Variants in TRPM3 observed in about 807,000 individuals in gnomAD.
The protein encoded by TRPM3 is transient receptor potential cation channel subfamily M member 3, also known as long transient receptor potential channel 3.
Under a neutral mutation model 181.2 loss-of-function variants are expected in TRPM3, and 77 were observed. The observed-to-expected ratio is 0.42, with a 90% CI of 0.35 to 0.51. The LOEUF is 0.51. Among genes scored for constraint, TRPM3 ranks in the 20% least tolerant of loss-of-function variants. The pLI, the probability that TRPM3 is intolerant of heterozygous loss-of-function variation, is 0.01. For synonymous variants in TRPM3, 745 were observed against 796.4 expected, an observed-to-expected ratio of 0.94 and a Z score of 1.09; for missense variants, 1,759 against 2,196.7, an observed-to-expected ratio of 0.80 and a Z score of 3.98.
chr9:71,071,248 G>A (rs530888042), intron 1 of TRPM3, among the ~76,000 whole-genome samples: 6 of 152,234 alleles, frequency 3.9e-5, no homozygotes, highest in Middle Eastern at 6.8e-3. Flanking sequence ...CTTAGAAGCC[G>A]TGTTTTGAGG....
At chr9:71,011,489 T>C (rs1338996996) in intron 1 of TRPM3, among the ~76,000 whole-genome samples, 3 of 152,122 alleles carry the variant, frequency 2.0e-5, no homozygotes, top group Admixed American at 1.3e-4. Flanking sequence ...CACAGTATTT[T>C]CTGTTAACTG....
intron 12 of TRPM3, among the ~76,000 whole-genome samples, chr9:70,634,260 C>T (rs2066461765): frequency 6.6e-6 from 1 of 152,136 alleles, no homozygotes. Flanking sequence ...CAGGCACACA[C>T]CACCATGCCA....
At chr9:71,205,220 T>C (rs1157985681) in intron 1 of TRPM3, among the ~76,000 whole-genome samples, 2 of 147,170 alleles carry the variant, frequency 1.4e-5, no homozygotes, top group African/African-American at 2.6e-5. Context: ...AAAAAAGTAA[T>C]GCACGAATGT....
At chr9:70,862,848 C>A (rs1313961742) in intron 3 of TRPM3, 60 bp downstream of exon 3, 3 of 1,563,212 alleles carry the variant, frequency 1.9e-6, no homozygotes, top group Non-Finnish European at 2.6e-6. Context: ...TTAACCACCC[C>A]TTTGCAGGAC....
chr9:70,799,535 G>T (rs575826555), intron 6 of TRPM3, among the ~76,000 whole-genome samples: 1 of 152,312 alleles, frequency 6.6e-6, no homozygotes, highest in South Asian at 2.1e-4. Context: ...TGGAAAAGGA[G>T]CTCCCTCCTT....
At chr9:70,805,534 G>GAAA (rs534322844) in intron 6 of TRPM3, among the ~76,000 whole-genome samples, 4 of 82,696 alleles carry the variant, frequency 4.8e-5, no homozygotes, top group Non-Finnish European at 1.1e-4. Context: ...ACTCCATCTC[G>GAAA]AAAAAAAAAA....
At chr9:70,828,098 G>A in intron 5 of TRPM3, 80 bp from the exon 6 acceptor site, 1 of 1,388,014 alleles carries the variant, frequency 7.2e-7, no homozygotes, top group Non-Finnish European at 9.9e-7. Context: ...ACAGAGGAAA[G>A]AGAGGAAGAA....
At chr9:70,827,377 T>G (rs1347928152) in intron 6 of TRPM3, 1 of 152,204 alleles carries the variant, frequency 6.6e-6, no homozygotes, top group African/African-American at 2.4e-5. Context: ...GCTTAATAAA[T>G]AGAAACATTT....
At chr9:71,193,896 T>A (rs2078181944) in intron 1 of TRPM3, among the ~76,000 whole-genome samples, 1 of 151,958 alleles carries the variant, frequency 6.6e-6, no homozygotes, top group Admixed American at 6.6e-5. Context: ...TATCTCACAT[T>A]TTCATCATTC....
intron 1 of TRPM3, among the ~76,000 whole-genome samples, chr9:71,363,316 G>A (rs1233177558): frequency 1.3e-5 from 2 of 152,172 alleles, no homozygotes; most frequent in Non-Finnish European, 2.9e-5. Flanking sequence ...AGTCAAATAA[G>A]TAGTTCACCT....
chr9:70,566,832 C>T (rs2050718199), intron 22 of TRPM3, among the ~76,000 whole-genome samples: 1 of 152,162 alleles, frequency 6.6e-6, no homozygotes, highest in Non-Finnish European at 1.5e-5. Context: ...AAAATGCGTG[C>T]CAGGGAGGGC....
intron 1 of TRPM3, among the ~76,000 whole-genome samples, chr9:71,083,871 T>C (rs1289801997): frequency 6.6e-6 from 1 of 151,900 alleles, no homozygotes; most frequent in African/African-American, 2.4e-5. Context: ...TATATATGTA[T>C]ATATAGATAC....
In TRPM3 at chr9:71,429,171, G is replaced by A. The variant is rs1387655656; in HGVS notation, c.183+17482C>T. Among the ~76,000 whole-genome samples the A allele has an allele frequency of 2.6e-5, 4 of 152,104 alleles. No homozygotes were observed. In the East Asian group the frequency reaches 7.7e-4, roughly 29 times the overall value. The stretch of plus-strand genomic sequence containing the variant: ...CCAACTACCTTTCATATTCTTCAGA[G>A]GGATAAGAGTAAATGTTTTTTCTGG... On this transcript the variant is annotated intron_variant, in intron 1 of 24. Transcript: ENST00000357533.
At chr9:70,665,994 T>C (rs1273738499) in intron 9 of TRPM3, among the ~76,000 whole-genome samples, 1 of 152,162 alleles carries the variant, frequency 6.6e-6, no homozygotes, top group Non-Finnish European at 1.5e-5. Flanking sequence ...GGTGTAAAAA[T>C]TACAAGCCTC....
At chr9:71,262,905 C>T (rs2083162066) in intron 1 of TRPM3, among the ~76,000 whole-genome samples, 1 of 152,178 alleles carries the variant, frequency 6.6e-6, no homozygotes, top group African/African-American at 2.4e-5. Flanking sequence ...CAGAAATCAC[C>T]CGCCTTCTGC....
chr9:70,881,785 T>A (rs1028487567), intron 1 of TRPM3, among the ~76,000 whole-genome samples: 3 of 152,174 alleles, frequency 2.0e-5, no homozygotes, highest in Non-Finnish European at 4.4e-5. Flanking sequence ...GCCTTTAGAG[T>A]TTTCCCCCAT....
In TRPM3 at chr9:70,535,749, C is replaced by T; in HGVS notation, c.*204G>A. On this transcript the variant is annotated 3_prime_UTR_variant, in exon 26 of 26. Transcript: ENST00000677713. ...AGCAAGTGTGAACATGCCTTAAATC[C>T]CCTGTGTCTGGCACTGGGTCAGATC... 2 of 1,452,076 alleles carry T rather than the reference C, an allele frequency of 1.4e-6. No individual in the cohort carries two copies. The highest frequency in any genetic ancestry group is 1.5e-5 in the South Asian group (1 of 67,314). The allele number at this position is 1,452,076 out of a possible 1,614,324, so 89.9% of individuals were successfully genotyped here. A position where few individuals can be genotyped will look rare whatever the true frequency, so the allele number is the denominator to read the frequency against.
At chr9:70,911,380 A>G (rs2096535966) in intron 1 of TRPM3, among the ~76,000 whole-genome samples, 1 of 152,182 alleles carries the variant, frequency 6.6e-6, no homozygotes, top group South Asian at 2.1e-4. Context: ...CCTTTCATTT[A>G]TCTTATTCTA....
chr9:71,317,050 G>T (rs1319233752), intron 1 of TRPM3, among the ~76,000 whole-genome samples: 4 of 152,036 alleles, frequency 2.6e-5, no homozygotes, highest in Admixed American at 2.6e-4. Flanking sequence ...TTACTTCTGG[G>T]TTTCTGTCAT....
Sources: gnomAD v4.1 joint callset for allele counts (sites outside exome capture counted in the v4.1 genomes callset) on GRCh38, gnomAD v4.1.1 for gene constraint, MANE v1.5 for transcripts, NCBI Gene and HGNC (gene_info 2026-07-23, HGNC 2026-07-21) for gene names.